POU2F3: variants seen among roughly 807,000 people sequenced by gnomAD.
The protein encoded by POU2F3 is POU domain, class 2, transcription factor 3.
In POU2F3, 23 loss-of-function variants were observed where a neutral mutation model predicts 59.2. The observed-to-expected ratio is 0.39, with a 90% CI of 0.28 to 0.55. The LOEUF (loss-of-function observed/expected upper bound fraction) is 0.55, where lower values mean the gene tolerates loss of function less well. Among genes scored for constraint, POU2F3 ranks in the 20% least tolerant of loss-of-function variants. The pLI is 0.66. For synonymous variants in POU2F3, 190 were observed against 214.6 expected (o/e 0.89, Z 1.00); for missense variants, 473 against 544.5 (o/e 0.87, Z 1.31).
intron 3 of POU2F3, among the ~76,000 whole-genome samples, chr11:120,290,585 G>T (rs1940985086): frequency 6.6e-6 from 1 of 152,194 alleles, no homozygotes; most frequent in South Asian, 2.1e-4. Context: ...GCTGTGTGAT[G>T]TTGGGAATGT....
rs527393069 is a variant in POU2F3 at position 120,317,431 on chromosome 11, A to G, written c.1271+67A>G. On this transcript the variant is annotated intron_variant, in intron 12 of 12. Transcript: ENST00000543440. ...AAGGGACATGTGAGAAGCTGAGCCT[A>G]TGCCTTGGGAAAGAAAGCTTGTCAT... The G allele has an allele frequency of 1.0e-5, 16 of 1,584,568 alleles. No homozygotes were observed. In the African/African-American group the frequency reaches 1.9e-4, roughly 19 times the overall value.
intron 3 of POU2F3, among the ~76,000 whole-genome samples, chr11:120,272,545 GAAA>G (rs1940121863): frequency 1.3e-5 from 2 of 152,348 alleles, no homozygotes; most frequent in South Asian, 4.1e-4. Context: ...GGGGAGCAGA[GAAA>G]GAGCCACTGC....
chr11:120,314,988 A>G (rs1941744536), intron 10 of POU2F3, among the ~76,000 whole-genome samples: 1 of 152,222 alleles, frequency 6.6e-6, no homozygotes, highest in African/African-American at 2.4e-5. Context: ...CCAGAAAATG[A>G]CAGGCAACCA....
chr11:120,279,662 C>T (rs182804548), intron 3 of POU2F3, among the ~76,000 whole-genome samples: 10 of 152,332 alleles, frequency 6.6e-5, no homozygotes, highest in African/African-American at 2.4e-4. Flanking sequence ...ATGCTTGGTG[C>T]TTTGGCCTGA....
At chr11:120,252,961 A>C (rs553449845) in intron 2 of POU2F3, among the ~76,000 whole-genome samples, 1 of 152,248 alleles carries the variant, frequency 6.6e-6, no homozygotes, top group East Asian at 1.9e-4. Flanking sequence ...TTTCTGTTCA[A>C]CGTAAGAGGG....
chr11:120,295,113 G>T (rs1272785044), intron 3 of POU2F3, among the ~76,000 whole-genome samples: 1 of 152,168 alleles, frequency 6.6e-6, no homozygotes, highest in Non-Finnish European at 1.5e-5. Flanking sequence ...CCCCCAAAGA[G>T]TCTGAAGGGC....
chr11:120,246,625 C>T, intron 2 of POU2F3, 108 bp downstream of exon 2: 1 of 1,184,284 alleles, frequency 8.4e-7, no homozygotes, highest in South Asian at 1.3e-5. Context: ...CCAACCAGAC[C>T]CCAAAGCTAG....
At chr11:120,240,517 G>A (rs1368483671) in intron 1 of POU2F3, 146 bp downstream of exon 1, 2 of 1,132,198 alleles carry the variant, frequency 1.8e-6, no homozygotes, top group East Asian at 6.5e-5. Flanking sequence ...TCCTGGGGTG[G>A]GTGCCGGTCA....
chr11:120,269,099 G>A, intron 2 of POU2F3, 111 bp from the exon 3 acceptor site: 1 of 757,452 alleles, frequency 1.3e-6, no homozygotes, highest in Non-Finnish European at 2.1e-6. Context: ...CGAAGCAGGT[G>A]CTCTTTTTCA....
At chr11:120,236,846 C>T (rs1395360548), upstream of POU2F3, 3 of 776,980 alleles carry the variant, frequency 3.9e-6, no homozygotes, top group Admixed American at 2.2e-5. Flanking sequence ...GGCACCCCAG[C>T]CTTCTAAGCC....
chr11:120,238,913 T>C (rs962277244), upstream of POU2F3, among the ~76,000 whole-genome samples: 6 of 142,128 alleles, frequency 4.2e-5, no homozygotes, highest in African/African-American at 1.6e-4. Context: ...ATGGCAATAA[T>C]CATAGTACAA....
chr11:120,291,837 C>G (rs1338143441), intron 3 of POU2F3, among the ~76,000 whole-genome samples: 1 of 146,256 alleles, frequency 6.8e-6, no homozygotes. Flanking sequence ...GAGATGGAGT[C>G]TAGCTCTGTC....
chr11:120,261,142 GT>G (rs11306771), intron 2 of POU2F3: 67,519 of 143,492 alleles, frequency 0.47, 19,029 homozygotes, highest in East Asian at 1. Context: ...TGGAGACATG[GT>G]TTTTTTTTTT....
chr11:120,302,465 A>AC (rs1443928956), intron 6 of POU2F3, 97 bp downstream of exon 6: 7 of 1,176,344 alleles, frequency 6.0e-6, no homozygotes, highest in African/African-American at 3.0e-5. Flanking sequence ...CAGGGCACTA[A>AC]CCCCTCTGGG....
chr11:120,302,842 T>A (rs1254662215), intron 6 of POU2F3: 1 of 154,184 alleles, frequency 6.5e-6, no homozygotes, highest in East Asian at 1.9e-4. Context: ...TGGGCACGTA[T>A]ATAGGCCAGT....
intron 9 of POU2F3, among the ~76,000 whole-genome samples, chr11:120,308,182 C>A (rs1218265603): frequency 3.3e-5 from 5 of 152,172 alleles, no homozygotes; most frequent in African/African-American, 1.2e-4. Context: ...GAACTTGTAG[C>A]AAAAGCATGT....
At chr11:120,240,484 A>T in intron 1 of POU2F3, 113 bp downstream of exon 1, 3 of 1,180,074 alleles carry the variant, frequency 2.5e-6, no homozygotes, top group Non-Finnish European at 3.2e-6. Context: ...CGGCCAGGAG[A>T]GGGCGGTGTG....
rs1348470921 is a variant in POU2F3 at position 120,240,313 on chromosome 11, G to A, written c.-31G>A. The A allele has an allele frequency of 7.3e-7, 1 of 1,364,008 alleles. No individual in the cohort carries two copies. The highest frequency in any genetic ancestry group is 9.5e-7 in the Non-Finnish European group (1 of 1,047,852). The allele number at this position is 1,364,008 out of a possible 1,614,324, so 84.5% of individuals were successfully genotyped here. On this transcript the variant is annotated 5_prime_UTR_variant, in exon 1 of 13. Coordinates refer to ENST00000543440, the MANE Select transcript of POU2F3 (RefSeq NM_014352.4). ...TGGGGCAGAGGCGAGGGGCCTGGGG[G>A]GGCGCTGGCTTTGGCCCCGCCTGGG...
chr11:120,300,544 A>G (rs775386740), intron 5 of POU2F3, among the ~76,000 whole-genome samples: 3 of 152,106 alleles, frequency 2.0e-5, no homozygotes, highest in Non-Finnish European at 4.4e-5. Context: ...TGGACGGATC[A>G]CTTGAGGCCA....
Sources: gnomAD v4.1 joint callset for allele counts (sites outside exome capture counted in the v4.1 genomes callset) on GRCh38, gnomAD v4.1.1 for gene constraint, MANE v1.5 for transcripts, NCBI Gene and HGNC (gene_info 2026-07-23, HGNC 2026-07-21) for gene names.